Variants in YBEY observed in about 807,000 individuals in gnomAD.
The protein encoded by YBEY is ybeY metalloendoribonuclease, also known as endoribonuclease YbeY.
In YBEY, 15 loss-of-function variants were observed where a neutral mutation model predicts 13.5. The observed-to-expected ratio is 1.11, with a 90% confidence interval of 0.75 to 1.72. YBEY has a LOEUF of 1.72. Ranked by LOEUF, YBEY falls within the 40% of genes most tolerant of loss-of-function variation. YBEY has a pLI of 0.00. For synonymous variants in YBEY, 101 were observed against 83.1 expected, an observed-to-expected ratio of 1.21 and a Z score of -1.17; for missense variants, 244 against 208.4, an observed-to-expected ratio of 1.17 and a Z score of -1.05.
Position 46,289,441 on chromosome 21 carries a change from G to GTTTTTTTTTTTTTTTTTTTT in YBEY, c.211-1889_211-1888insTTTTTTTTTTTTTTTTTTTT, listed in dbSNP as rs773002446. 1.5e-5 allele frequency among the ~76,000 whole-genome samples: 2 copies of GTTTTTTTTTTTTTTTTTTTT among 136,518 alleles called. 1 individual carries two copies. Among genetic ancestry groups the GTTTTTTTTTTTTTTTTTTTT allele is most frequent in the Non-Finnish European group, 3.1e-5 (2 of 63,836 alleles). 89.6% of individuals were successfully genotyped at this position (136,518 alleles called of 152,430 possible). On this transcript the variant is annotated intron_variant, in intron 2 of 4. Coordinates refer to ENST00000397701, the MANE Select transcript of YBEY (RefSeq NM_001314025.2). ...TTCAGGGAGGTAAAGGAAGGCAAGG[G>GTTTTTTTTTTTTTTTTTTTT]TTTTGTTTTTTTTTTTTTTTTTGAG...
the YBEY span, among the ~76,000 whole-genome samples, chr21:46,312,623 G>T: frequency 6.6e-6 from 1 of 152,192 alleles, no homozygotes; most frequent in East Asian, 1.9e-4. Context: ...GGCCACCTTG[G>T]CCTCCCAAAG....
At chr21:46,296,410 C>T (rs1288816824) in intron 4 of YBEY, among the ~76,000 whole-genome samples, 180 bp downstream of exon 4, 4 of 152,140 alleles carry the variant, frequency 2.6e-5, no homozygotes, top group Admixed American at 1.3e-4. Context: ...ATACTTCCAG[C>T]TGAATGTGTT....
chr21:46,288,685 A>G (rs4819224), intron 2 of YBEY, among the ~76,000 whole-genome samples: 7 of 52,426 alleles, frequency 1.3e-4, no homozygotes, highest in African/African-American at 3.0e-4. Context: ...CTCAAAAAGA[A>G]AAAAAAAAAA....
chr21:46,297,179 A>G (rs1430136865), intron 4 of YBEY, among the ~76,000 whole-genome samples: 1 of 151,890 alleles, frequency 6.6e-6, no homozygotes, highest in Non-Finnish European at 1.5e-5. Context: ...GGCGCCTGTA[A>G]TCCCAGCTAC....
At chr21:46,292,882 G>A (rs1345665233) in intron 3 of YBEY, among the ~76,000 whole-genome samples, 1 of 87,680 alleles carries the variant, frequency 1.1e-5, no homozygotes, top group African/African-American at 4.3e-5. Flanking sequence ...AATTCCTCCC[G>A]CGGTTAGCCT....
intron 2 of YBEY, 49 bp from the exon 3 acceptor site, chr21:46,291,285 G>T: frequency 6.2e-7 from 1 of 1,610,124 alleles, no homozygotes. Context: ...TCAACCTGTG[G>T]TTGGGTTACG....
the YBEY span, among the ~76,000 whole-genome samples, chr21:46,303,067 G>A: frequency 6.6e-6 from 1 of 152,174 alleles, no homozygotes; most frequent in Non-Finnish European, 1.5e-5. Context: ...GGGAGGCTGA[G>A]GCATGAGAAT....
At chr21:46,291,985 G>A (rs578191412) in intron 3 of YBEY, 2 of 426,948 alleles carry the variant, frequency 4.7e-6, no homozygotes, top group East Asian at 3.2e-4. Context: ...GAACTCAGAG[G>A]CTACAGTTTC....
chr21:46,302,071 A>ATAG (rs1555924456), downstream of YBEY: 9 of 1,506,864 alleles, frequency 6.0e-6, no homozygotes, highest in East Asian at 1.5e-4. Context: ...GCCACACAGC[A>ATAG]TGGTGGTGGT....
At chr21:46,304,468 G>C in the YBEY span, among the ~76,000 whole-genome samples, 1 of 151,582 alleles carries the variant, frequency 6.6e-6, no homozygotes, top group Non-Finnish European at 1.5e-5. Context: ...CCTGGGCAAT[G>C]GAGTGAGACC....
chr21:46,288,055 C>G lies in YBEY; in HGVS notation c.210+932C>G, dbSNP rs145958643. On this transcript the variant is annotated intron_variant, in intron 2 of 4. Coordinates refer to ENST00000397701, the MANE Select transcript of YBEY (RefSeq NM_001314025.2). ...AGAAAAAGGTGACTAGCGTCCACCC[C>G]CCTTCCCCTCCTAATGCTCTCAGTG... Among the ~76,000 whole-genome samples, 426 of 152,202 alleles carry G rather than the reference C, an allele frequency of 2.8e-3. 3 individuals are homozygous for G. Among genetic ancestry groups the G allele is most frequent in the African/African-American group, 8.4e-3 (350 of 41,536 alleles).
chr21:46,297,433 C>A, intron 4 of YBEY, 106 bp from the exon 5 acceptor site: 1 of 1,128,596 alleles, frequency 8.9e-7, no homozygotes, highest in Non-Finnish European at 1.1e-6. Context: ...CGCGGGCGGC[C>A]GGCTTCCCCC....
chr21:46,287,053 T>G lies in YBEY; in HGVS notation c.140T>G (p.Ile47Ser). ...LGIICVDNKN[I>S]QHINRIYRDR... Reference sequence around the variant, plus strand: ...ATCATCTGTGTTGACAACAAGAATATTCAGCACATTAATAGAATCTACAGA... The same window carrying G: ...ATCATCTGTGTTGACAACAAGAATAGTCAGCACATTAATAGAATCTACAGA... Residue 47 changes from isoleucine (I) to serine (S), a missense_variant, in exon 2 of 5, where the codon ATT becomes AGT. By Grantham distance (142) the Ile-to-Ser change is moderately radical. Transcript: ENST00000397701. 1 of 1,613,832 alleles carries G rather than the reference T, an allele frequency of 6.2e-7. No homozygotes were observed. Among genetic ancestry groups the G allele is most frequent in the Non-Finnish European group, 8.5e-7 (1 of 1,180,000 alleles).
At chr21:46,290,378 G>T (rs1360771535) in intron 2 of YBEY, among the ~76,000 whole-genome samples, 1 of 151,936 alleles carries the variant, frequency 6.6e-6, no homozygotes, top group Admixed American at 6.6e-5. Context: ...GCTAATTTTT[G>T]TATTTTTAGT....
At chr21:46,313,014 C>T in the YBEY span, 3 of 985,450 alleles carry the variant, frequency 3.0e-6, no homozygotes, top group South Asian at 1.4e-4. Context: ...CTGTGTGAGG[C>T]TGCCTGGCCT....
At chr21:46,306,061 C>T in the YBEY span, among the ~76,000 whole-genome samples, 1 of 125,720 alleles carries the variant, frequency 8.0e-6, no homozygotes, top group Non-Finnish European at 1.8e-5. Flanking sequence ...TATAGCAACA[C>T]TGTGACTCAA....
At chr21:46,306,883 C>T in the YBEY span, among the ~76,000 whole-genome samples, 3 of 151,044 alleles carry the variant, frequency 2.0e-5, no homozygotes, top group African/African-American at 4.9e-5. Flanking sequence ...CCGCTGTGCC[C>T]GGCCTCCCCT....
At chr21:46,288,025 A>G (rs1043666040) in intron 2 of YBEY, among the ~76,000 whole-genome samples, 4 of 151,546 alleles carry the variant, frequency 2.6e-5, no homozygotes, top group African/African-American at 9.7e-5. Context: ...GAAAAAAAAA[A>G]GAAAAGAAAA....
chr21:46,313,044 C>T, the YBEY span: 1 of 985,420 alleles, frequency 1.0e-6, no homozygotes, highest in Non-Finnish European at 1.2e-6. Context: ...TTCCTCAGTT[C>T]ACAGAAAGGA....
Sources: gnomAD v4.1 joint callset for allele counts (sites outside exome capture counted in the v4.1 genomes callset) on GRCh38, gnomAD v4.1.1 for gene constraint, MANE v1.5 for transcripts, NCBI Gene and HGNC (gene_info 2026-07-23, HGNC 2026-07-21) for gene names.